The following TNFSF4 variants were observed in gnomAD, a reference collection of about 807,000 sequenced individuals.
TNFSF4 encodes tumor necrosis factor ligand superfamily member 4.
Under a neutral mutation model 7.3 loss-of-function variants are expected in TNFSF4, and 4 were observed. The observed-to-expected ratio is 0.55, with a 90% CI of 0.27 to 1.25. The LOEUF (loss-of-function observed/expected upper bound fraction) is 1.25, where lower values mean the gene tolerates loss of function less well. Ranked by LOEUF, TNFSF4 falls within the 50% of genes most tolerant of loss-of-function variation. The pLI, the probability that TNFSF4 is intolerant of heterozygous loss-of-function variation, is 0.12. For synonymous variants in TNFSF4, 76 were observed against 83.7 expected, an observed-to-expected ratio of 0.91 and a Z score of 0.50; for missense variants, 181 against 208.8, an observed-to-expected ratio of 0.87 and a Z score of 0.82.
chr1:173,448,401 A>G, the TNFSF4 span, among the ~76,000 whole-genome samples: 35 of 152,350 alleles, frequency 2.3e-4, no homozygotes, highest in African/African-American at 8.2e-4. Flanking sequence ...AACTGAAGTC[A>G]TACAAAGAAT....
In TNFSF4 at chr1:173,207,108, C is replaced by T; in HGVS notation, c.69G>A (p.Lys23=). ...NAARPRFERN[K]LLLVASVIQG... The stretch of plus-strand genomic sequence containing the variant: ...GAATTACAGAGGCCACCAGCAATAG[C>T]TTGTTCCTCTCGAATCTTGGCCTGG... The change falls in exon 1 of 3, where the codon AAG becomes AAA. Residue 23 remains lysine (K), a synonymous_variant. Transcript: ENST00000281834. The T allele has an allele frequency of 6.2e-7, 1 of 1,613,854 alleles. No individual in the cohort carries two copies. Among genetic ancestry groups the T allele is most frequent in the Non-Finnish European group, 8.5e-7 (1 of 1,179,880 alleles).
chr1:173,192,567 G>A lies in TNFSF4; in HGVS notation c.154-3998C>T, dbSNP rs76109576. On this transcript the variant is annotated intron_variant, in intron 1 of 2. Transcript: ENST00000281834. ...GTGCCAGGGGTTAGGAATGGGGGAGGAATAAACAGGTAGAGCACAGGGTGT... is the reference window on the plus strand; with the variant it reads ...GTGCCAGGGGTTAGGAATGGGGGAGAAATAAACAGGTAGAGCACAGGGTGT... Among the ~76,000 whole-genome samples, 1,097 of 152,180 alleles carry A rather than the reference G, an allele frequency of 7.2e-3. 14 individuals carry two copies. The highest frequency in any genetic ancestry group is 7.7e-3 in the Non-Finnish European group (524 of 67,992).
At chr1:173,419,174 C>CT in the TNFSF4 span, among the ~76,000 whole-genome samples, 3 of 151,834 alleles carry the variant, frequency 2.0e-5, no homozygotes, top group Non-Finnish European at 4.4e-5. Context: ...CCCATCTCTA[C>CT]CAAAAAAATA....
the TNFSF4 span, among the ~76,000 whole-genome samples, chr1:173,220,597 A>T: frequency 6.6e-6 from 1 of 152,178 alleles, no homozygotes; most frequent in African/African-American, 2.4e-5. Context: ...TTTGGTATGT[A>T]ATTAGGTCAT....
the TNFSF4 span, among the ~76,000 whole-genome samples, chr1:173,349,356 C>T: frequency 2.0e-5 from 3 of 152,182 alleles, no homozygotes; most frequent in African/African-American, 7.2e-5. Flanking sequence ...TAGTGTTTTA[C>T]AACAGAACTC....
At chr1:173,317,192 C>T in the TNFSF4 span, among the ~76,000 whole-genome samples, 1 of 152,160 alleles carries the variant, frequency 6.6e-6, no homozygotes, top group Non-Finnish European at 1.5e-5. Flanking sequence ...CCAACTGAGC[C>T]TAGACTTTAG....
the TNFSF4 span, among the ~76,000 whole-genome samples, chr1:173,313,740 T>C: frequency 6.1e-4 from 93 of 152,228 alleles, no homozygotes; most frequent in African/African-American, 1.8e-3. Context: ...GGAAAGTGTA[T>C]CTTCTCTCTT....
the TNFSF4 span, among the ~76,000 whole-genome samples, chr1:173,380,024 C>A: frequency 1.2e-3 from 180 of 152,294 alleles, 2 homozygotes; most frequent in South Asian, 0.012. Context: ...GTACGTTTGA[C>A]CATTGAGGGC....
the TNFSF4 span, among the ~76,000 whole-genome samples, chr1:173,432,039 C>A: frequency 6.6e-6 from 1 of 152,204 alleles, no homozygotes; most frequent in Non-Finnish European, 1.5e-5. Context: ...GGATTGACAA[C>A]TAATACCTAA....
In TNFSF4 at chr1:173,186,848, C is replaced by T; in HGVS notation, c.220G>A (p.Gly74Ser). 6.3e-7 allele frequency: 1 copy of T among 1,598,196 alleles called. No individual in the cohort carries two copies. The highest frequency in any genetic ancestry group is 8.5e-7 in the Non-Finnish European group (1 of 1,171,678). ...TCCTTTTGGGAAGTGAGGATGAAACCTTTCTCCTTCTTATATTCTAGGGAG... is the reference window on the plus strand; with the variant it reads ...TCCTTTTGGGAAGTGAGGATGAAACTTTTCTCCTTCTTATATTCTAGGGAG... ...VQFTEYKKEK[G>S]FILTSQKEDE... Residue 74 changes from glycine (G) to serine (S), a missense_variant, in exon 3 of 3, where the codon GGT (glycine) becomes AGT (serine). Physicochemically the swap from Gly to Ser is moderately conservative, Grantham distance 56. Coordinates refer to ENST00000281834, the MANE Select transcript of TNFSF4 (RefSeq NM_003326.5).
chr1:173,179,359 G>T (rs1040182297), downstream of TNFSF4, among the ~76,000 whole-genome samples: 1 of 152,144 alleles, frequency 6.6e-6, no homozygotes, highest in Non-Finnish European at 1.5e-5. Flanking sequence ...AAAAATGGCT[G>T]TCCCTTCACT....
chr1:173,318,682 T>C, the TNFSF4 span, among the ~76,000 whole-genome samples: 3 of 152,222 alleles, frequency 2.0e-5, no homozygotes, highest in Non-Finnish European at 4.4e-5. Flanking sequence ...AGAATTTATA[T>C]GAAGAGCTGT....
chr1:173,425,813 C>A, the TNFSF4 span, among the ~76,000 whole-genome samples: 1 of 152,354 alleles, frequency 6.6e-6, no homozygotes, highest in South Asian at 2.1e-4. Flanking sequence ...ACTGTTCCCA[C>A]ATTCTACAAC....
chr1:173,444,819 C>T, the TNFSF4 span, among the ~76,000 whole-genome samples: 2 of 152,168 alleles, frequency 1.3e-5, no homozygotes, highest in African/African-American at 4.8e-5. Context: ...TTATGAAGAG[C>T]ATACAAAAGA....
At chr1:173,362,535 C>A in the TNFSF4 span, 1 of 540,110 alleles carries the variant, frequency 1.9e-6, no homozygotes, top group South Asian at 1.4e-5. Flanking sequence ...CTTTTGCCTC[C>A]ATCCTTCCCA....
chr1:173,416,779 T>C, the TNFSF4 span, among the ~76,000 whole-genome samples: 2 of 151,938 alleles, frequency 1.3e-5, no homozygotes, highest in African/African-American at 4.8e-5. Context: ...GTATTTTTAG[T>C]AGAGACAGGG....
intron 1 of TNFSF4, among the ~76,000 whole-genome samples, chr1:173,199,890 A>G (rs1649869364): frequency 6.6e-6 from 1 of 152,204 alleles, no homozygotes; most frequent in South Asian, 2.1e-4. Context: ...AGAATAAATT[A>G]CTGAATTAGT....
the TNFSF4 span, among the ~76,000 whole-genome samples, chr1:173,376,659 C>A: frequency 2.6e-5 from 4 of 152,158 alleles, no homozygotes; most frequent in African/African-American, 4.8e-5. Flanking sequence ...GTAAAACAGA[C>A]CAATCAGCAC....
the TNFSF4 span, among the ~76,000 whole-genome samples, chr1:173,310,802 G>A: frequency 3.3e-5 from 5 of 151,318 alleles, no homozygotes; most frequent in Non-Finnish European, 4.4e-5. Flanking sequence ...TAATACTTAC[G>A]TTAATAGGTG....
Sources: allele counts gnomAD v4.1 joint callset (sites outside exome capture counted in the v4.1 genomes callset), GRCh38; gene constraint gnomAD v4.1.1; transcripts MANE v1.5; gene names NCBI Gene and HGNC (gene_info 2026-07-23, HGNC 2026-07-21).